The following DTNA variants were observed in gnomAD, a reference collection of about 807,000 sequenced individuals.
DTNA encodes dystrophin-related protein 3.
Under a neutral mutation model 100.7 loss-of-function variants are expected in DTNA, and 43 were observed. The ratio of observed to expected loss-of-function variants is 0.43; its 90% CI spans 0.33 to 0.55. The LOEUF is 0.55. DTNA is among the 20% of genes least tolerant of loss of function. DTNA has a pLI of 0.04. For synonymous variants in DTNA, 349 were observed against 347.9 expected, an observed-to-expected ratio of 1.00 and a Z score of -0.04; for missense variants, 798 against 953.9, an observed-to-expected ratio of 0.84 and a Z score of 2.15.
chr18:34,595,382 C>CAA (rs113504077), intron 1 of DTNA, among the ~76,000 whole-genome samples: 36 of 143,150 alleles, frequency 2.5e-4, no homozygotes, highest in Non-Finnish European at 4.9e-4. Context: ...TTCAGTGTGT[C>CAA]AAAAAAAAAC....
intron 1 of DTNA, among the ~76,000 whole-genome samples, chr18:34,730,049 A>T (rs994732254): frequency 6.6e-6 from 1 of 152,192 alleles, no homozygotes; most frequent in African/African-American, 2.4e-5. Flanking sequence ...AAATAAATGT[A>T]GGCATTTGCT....
intron 1 of DTNA, among the ~76,000 whole-genome samples, chr18:34,498,201 G>A (rs1336734895): frequency 1.3e-5 from 2 of 152,050 alleles, no homozygotes; most frequent in African/African-American, 4.8e-5. Context: ...AGATCACAAG[G>A]TCAGGAGATC....
chr18:34,649,247 G>C (rs139832485), intron 1 of DTNA, among the ~76,000 whole-genome samples: 1 of 152,298 alleles, frequency 6.6e-6, no homozygotes, highest in East Asian at 1.9e-4. Context: ...GGTATTGAGA[G>C]AGCTATTTCA....
In DTNA at chr18:34,812,120, G is replaced by GA. The variant is rs1322902519; in HGVS notation, c.603+12dup. Reference sequence around the variant, plus strand: ...ATCCTGTTTCTCCCAACAGGTAGGAGAAAAATATGTTTAAGGAAGTATCTC... The same window carrying GA: ...ATCCTGTTTCTCCCAACAGGTAGGAGAAAAAATATGTTTAAGGAAGTATCTC... On this transcript the variant is annotated splice_region_variant and intron_variant, in intron 6 of 22. Coordinates refer to ENST00000444659, the MANE Select transcript of DTNA (RefSeq NM_001386795.1). The GA allele has an allele frequency of 6.2e-7, 1 of 1,613,814 alleles. No homozygotes were observed. The highest frequency in any genetic ancestry group is 1.1e-5 in the South Asian group (1 of 91,084).
chr18:34,779,193 G>C (rs2094203480), intron 3 of DTNA, among the ~76,000 whole-genome samples: 1 of 152,120 alleles, frequency 6.6e-6, no homozygotes, highest in East Asian at 1.9e-4. Flanking sequence ...AGTAATCTAA[G>C]GAAAACAAGA....
chr18:34,876,308 T>A (rs1337856780), intron 18 of DTNA, among the ~76,000 whole-genome samples: 1 of 152,134 alleles, frequency 6.6e-6, no homozygotes, highest in East Asian at 1.9e-4. Flanking sequence ...AAGAGAGACA[T>A]GTTTGAATAT....
In DTNA at chr18:34,571,603, C is replaced by A. The variant is rs146986225; in HGVS notation, c.-2+78089C>A. 7.3e-4 allele frequency among the ~76,000 whole-genome samples: 111 copies of A among 152,186 alleles called. No homozygotes were observed. The East Asian group carries it at 0.021, about 29-fold the overall frequency. On this transcript the variant is annotated intron_variant, in intron 1 of 19. Coordinates refer to the DTNA transcript ENST00000283365. Reference sequence around the variant, plus strand: ...ACAAACAAACAAAAAAAAAGAAAATCTTGAATAGTCATGCACTGGCCCTGT... The same window carrying A: ...ACAAACAAACAAAAAAAAAGAAAATATTGAATAGTCATGCACTGGCCCTGT...
intron 1 of DTNA, among the ~76,000 whole-genome samples, chr18:34,536,723 G>C (rs1304259322): frequency 6.6e-6 from 1 of 151,786 alleles, no homozygotes; most frequent in Non-Finnish European, 1.5e-5. Context: ...TTCTTTTTAA[G>C]TTGCACATGA....
intron 1 of DTNA, among the ~76,000 whole-genome samples, chr18:34,598,458 C>G (rs1220820436): frequency 6.6e-6 from 1 of 152,118 alleles, no homozygotes; most frequent in Non-Finnish European, 1.5e-5. Flanking sequence ...TCAATTTCAA[C>G]CATTAGAAAA....
chr18:34,744,269 AC>A (rs1408789203), intron 1 of DTNA, among the ~76,000 whole-genome samples: 1 of 152,146 alleles, frequency 6.6e-6, no homozygotes, highest in Non-Finnish European at 1.5e-5. Context: ...ATAAATGGCA[AC>A]CCTCTCCATC....
At chr18:34,498,442 TATAATAATA>T (rs58997432) in intron 1 of DTNA, among the ~76,000 whole-genome samples, 12,988 of 141,784 alleles carry the variant, frequency 0.092, 701 homozygotes, top group Non-Finnish European at 0.12. Flanking sequence ...CAGAAAATAA[TATAATAATA>T]ATAATAATAA....
chr18:34,691,068 C>G (rs1054380377), intron 1 of DTNA, among the ~76,000 whole-genome samples: 3 of 152,174 alleles, frequency 2.0e-5, no homozygotes, highest in Admixed American at 2.0e-4. Flanking sequence ...TCCACTGCCT[C>G]TTAGGTAAAA....
chr18:34,679,893 A>C (rs1458021767), intron 1 of DTNA, among the ~76,000 whole-genome samples: 1 of 152,106 alleles, frequency 6.6e-6, no homozygotes, highest in Non-Finnish European at 1.5e-5. Flanking sequence ...AGTTTCTATT[A>C]AGCAAATGCC....
At chr18:34,508,844 A>G (rs2040752511) in intron 1 of DTNA, among the ~76,000 whole-genome samples, 1 of 152,098 alleles carries the variant, frequency 6.6e-6, no homozygotes, top group African/African-American at 2.4e-5. Flanking sequence ...GTTTCTGTAA[A>G]TCGTATGTTT....
intron 12 of DTNA, among the ~76,000 whole-genome samples, chr18:34,838,405 G>GA (rs776566795): frequency 1.3e-5 from 2 of 152,100 alleles, no homozygotes; most frequent in Non-Finnish European, 2.9e-5. Flanking sequence ...CTGAAGACTC[G>GA]ATTTTCTGAA....
chr18:34,599,865 G>C (rs1409896317), intron 1 of DTNA, among the ~76,000 whole-genome samples: 1 of 152,086 alleles, frequency 6.6e-6, no homozygotes, highest in Non-Finnish European at 1.5e-5. Flanking sequence ...TTTTAGTAGA[G>C]ACAGGCTTTC....
intron 1 of DTNA, among the ~76,000 whole-genome samples, chr18:34,567,784 C>A (rs1263348522): frequency 6.6e-6 from 1 of 152,116 alleles, no homozygotes; most frequent in Non-Finnish European, 1.5e-5. Flanking sequence ...TGTATATTTT[C>A]TACTCTTTTA....
intron 1 of DTNA, among the ~76,000 whole-genome samples, chr18:34,592,320 T>C (rs1190594818): frequency 6.6e-6 from 1 of 152,178 alleles, no homozygotes; most frequent in Non-Finnish European, 1.5e-5. Flanking sequence ...GACCACTAAA[T>C]ATTAATAAAT....
At chr18:34,572,367 A>T (rs189570288) in intron 1 of DTNA, among the ~76,000 whole-genome samples, 1 of 152,324 alleles carries the variant, frequency 6.6e-6, no homozygotes, top group East Asian at 1.9e-4. Context: ...CATGATAATG[A>T]TGATAGTTAC....
Sources: gnomAD v4.1 joint callset for allele counts (sites outside exome capture counted in the v4.1 genomes callset) on GRCh38, gnomAD v4.1.1 for gene constraint, MANE v1.5 for transcripts, NCBI Gene and HGNC (gene_info 2026-07-23, HGNC 2026-07-21) for gene names.